TCERG1L: variants seen among roughly 807,000 people sequenced by gnomAD.
The protein encoded by TCERG1L is transcription elongation regulator 1 like.
TCERG1L carries 37 observed loss-of-function variants against 56.3 expected under a neutral mutation model. That is an observed-to-expected ratio of 0.66 (90% CI 0.51 to 0.87). The LOEUF is 0.87. Ranked by LOEUF, TCERG1L falls within the 40% of genes least tolerant of loss-of-function variation. The pLI, the probability that TCERG1L is intolerant of heterozygous loss-of-function variation, is 0.00. For synonymous variants in TCERG1L, 324 were observed against 326.3 expected (o/e 0.99, Z 0.08); for missense variants, 799 against 774.2 (o/e 1.03, Z -0.38).
intron 1 of TCERG1L, among the ~76,000 whole-genome samples, chr10:131,310,083 G>A (rs1846868291): frequency 6.6e-6 from 1 of 152,112 alleles, no homozygotes; most frequent in Non-Finnish European, 1.5e-5. Context: ...TCTTCTGGTT[G>A]TACATATTCT....
intron 6 of TCERG1L, chr10:131,156,314 CATT>C (rs1477188166): frequency 6.6e-6 from 1 of 152,064 alleles, no homozygotes; most frequent in Non-Finnish European, 1.5e-5. Flanking sequence ...TCCAGAGAAA[CATT>C]TTTTTAAATG....
At chr10:131,098,732 T>C (rs1339519701) in intron 10 of TCERG1L, among the ~76,000 whole-genome samples, 2 of 152,128 alleles carry the variant, frequency 1.3e-5, no homozygotes, top group Non-Finnish European at 2.9e-5. Flanking sequence ...TCTGCAGGCG[T>C]CTGGAACCAA....
chr10:131,177,177 C>T (rs375824290), intron 4 of TCERG1L, among the ~76,000 whole-genome samples: 1 of 148,792 alleles, frequency 6.7e-6, no homozygotes, highest in African/African-American at 2.5e-5. Context: ...TGGACACACA[C>T]AGACATGCAC....
chr10:131,257,568 T>C (rs2133540022), intron 4 of TCERG1L, among the ~76,000 whole-genome samples: 1 of 152,318 alleles, frequency 6.6e-6, no homozygotes. Flanking sequence ...CAGGTTTTCA[T>C]GGTGCCTTAA....
chr10:131,286,843 C>T (rs1846548824), intron 3 of TCERG1L, among the ~76,000 whole-genome samples: 2 of 152,170 alleles, frequency 1.3e-5, no homozygotes, highest in African/African-American at 2.4e-5. Flanking sequence ...TGTTATCTTC[C>T]GGCACTGCCG....
intron 6 of TCERG1L, among the ~76,000 whole-genome samples, chr10:131,154,270 G>A (rs1306047755): frequency 7.2e-5 from 11 of 152,254 alleles, no homozygotes; most frequent in Admixed American, 6.5e-4. Flanking sequence ...CACTGGGGTT[G>A]TTGCTTTGTT....
At position 131,115,057 on chromosome 10, in the gene TCERG1L, C is replaced by T. The variant is rs573218343; in HGVS notation, c.1395+1742G>A. Among the ~76,000 whole-genome samples, 275 of 152,368 alleles carry T rather than the reference C, an allele frequency of 1.8e-3. 1 individual carries two copies. The highest frequency in any genetic ancestry group is 3.2e-3 in the Non-Finnish European group (218 of 68,044). Reference sequence around the variant, plus strand: ...GCCTCTCCTGCCTCTCGCCCAATGACACCCCTGAACCTGACCCTGCTCCCA... The same window carrying T: ...GCCTCTCCTGCCTCTCGCCCAATGATACCCCTGAACCTGACCCTGCTCCCA... On this transcript the variant is annotated intron_variant, in intron 9 of 11. Transcript: ENST00000368642.
intron 4 of TCERG1L, among the ~76,000 whole-genome samples, chr10:131,239,061 C>G (rs952216569): frequency 7.9e-5 from 12 of 152,176 alleles, no homozygotes; most frequent in African/African-American, 2.9e-4. Context: ...CAAACCAAGC[C>G]GAGTGCTGTT....
chr10:131,181,633 T>A lies in TCERG1L; in HGVS notation c.857-14748A>T, dbSNP rs1210588260. Reference sequence around the variant, plus strand: ...GAGCCAGCCTCATCTGCTGCCAGCGTCTGCCTGTGGCCAAGGAAGCAGGGA... The same window carrying A: ...GAGCCAGCCTCATCTGCTGCCAGCGACTGCCTGTGGCCAAGGAAGCAGGGA... On this transcript the variant is annotated intron_variant, in intron 4 of 11. Coordinates refer to ENST00000368642, the MANE Select transcript of TCERG1L (RefSeq NM_174937.4). Among the ~76,000 whole-genome samples, 6 of 152,358 alleles carry A rather than the reference T, an allele frequency of 3.9e-5. No individual in the cohort carries two copies. The South Asian group carries it at 1.0e-3, about 26-fold the overall frequency.
At position 131,127,972 on chromosome 10, in the gene TCERG1L, T is replaced by C. The variant is rs74754756; in HGVS notation, c.1259+6407A>G. 4.5e-3 allele frequency among the ~76,000 whole-genome samples: 684 copies of C among 152,206 alleles called. 5 individuals are homozygous for C. The highest frequency in any genetic ancestry group is 0.016 in the African/African-American group (651 of 41,514). ...AACCACAGGGAAGCATACCCAGACA[T>C]TGAATGACAATTCAGCTGACTATTC... On this transcript the variant is annotated intron_variant, in intron 8 of 11. Coordinates refer to ENST00000368642, the MANE Select transcript of TCERG1L (RefSeq NM_174937.4).
intron 3 of TCERG1L, among the ~76,000 whole-genome samples, chr10:131,273,560 C>T (rs934455909): frequency 6.6e-6 from 1 of 152,238 alleles, no homozygotes; most frequent in African/African-American, 2.4e-5. Flanking sequence ...TGGGGGCTGA[C>T]CCCAATGGTG....
intron 8 of TCERG1L, among the ~76,000 whole-genome samples, chr10:131,123,142 C>T (rs556482227): frequency 2.1e-4 from 32 of 152,292 alleles, no homozygotes; most frequent in East Asian, 9.7e-4. Context: ...GGTTAGCACG[C>T]GGCTGCTGAT....
intron 8 of TCERG1L, 52 bp downstream of exon 8, chr10:131,134,327 A>G: frequency 6.7e-7 from 1 of 1,487,594 alleles, no homozygotes; most frequent in East Asian, 2.4e-5. Context: ...TTTCTACACC[A>G]CCTGAGTACA....
intron 6 of TCERG1L, among the ~76,000 whole-genome samples, chr10:131,148,051 G>A (rs1845818822): frequency 6.6e-6 from 1 of 152,218 alleles, no homozygotes; most frequent in South Asian, 2.1e-4. Flanking sequence ...CCACTACTCA[G>A]CCCAGCCACG....
At chr10:131,130,017 C>G (rs910170233) in intron 8 of TCERG1L, among the ~76,000 whole-genome samples, 1 of 151,192 alleles carries the variant, frequency 6.6e-6, no homozygotes, top group Non-Finnish European at 1.5e-5. Context: ...TCGCCTCCCA[C>G]AAGTCCCCTC....
intron 6 of TCERG1L, among the ~76,000 whole-genome samples, chr10:131,158,924 C>A (rs1249759088): frequency 1.2e-4 from 18 of 152,226 alleles, no homozygotes; most frequent in Admixed American, 1.2e-3. Flanking sequence ...CTGCTCACCC[C>A]GCCACCAGTT....
At chr10:131,148,135 C>T (rs1180487967) in intron 6 of TCERG1L, among the ~76,000 whole-genome samples, 1 of 152,224 alleles carries the variant, frequency 6.6e-6, no homozygotes, top group African/African-American at 2.4e-5. Flanking sequence ...GTGTGCATCA[C>T]CTTACATGGC....
intron 3 of TCERG1L, among the ~76,000 whole-genome samples, chr10:131,262,524 A>C (rs1846245542): frequency 6.6e-6 from 1 of 152,198 alleles, no homozygotes; most frequent in Admixed American, 6.5e-5. Context: ...GAGCAGCTTT[A>C]GGTTTACAGA....
At chr10:131,181,014 C>T (rs1257914182) in intron 4 of TCERG1L, among the ~76,000 whole-genome samples, 2 of 152,224 alleles carry the variant, frequency 1.3e-5, no homozygotes, top group Non-Finnish European at 2.9e-5. Context: ...CTGCTGCCTC[C>T]ATTCTCATGA....
Sources: allele counts gnomAD v4.1 joint callset (sites outside exome capture counted in the v4.1 genomes callset), GRCh38; gene constraint gnomAD v4.1.1; transcripts MANE v1.5; gene names NCBI Gene and HGNC (gene_info 2026-07-23, HGNC 2026-07-21).